Variants in UNKL observed in about 807,000 individuals in gnomAD.
UNKL encodes the protein putative E3 ubiquitin-protein ligase UNKL.
UNKL carries 60 observed loss-of-function variants against 78.0 expected under a neutral mutation model. That is an observed-to-expected ratio of 0.77 (90% CI 0.63 to 0.95). The LOEUF is 0.95. UNKL is among the 40% of genes least tolerant of loss of function. The pLI, the probability that UNKL is intolerant of heterozygous loss-of-function variation, is 0.00. For synonymous variants in UNKL, 608 were observed against 474.8 expected (o/e 1.28, Z -3.65); for missense variants, 1,159 against 1,045.7 (o/e 1.11, Z -1.49).
intron 4 of UNKL, 165 bp downstream of exon 4, chr16:1,401,403 A>AC (rs2037518123): frequency 1.1e-6 from 1 of 885,320 alleles, no homozygotes; most frequent in Non-Finnish European, 1.5e-6. Context: ...CTCGGCACCC[A>AC]CCCCCTGTTG....
chr16:1,385,578 C>T (rs942032234), intron 9 of UNKL, among the ~76,000 whole-genome samples, 193 bp from the exon 10 acceptor site: 1 of 152,240 alleles, frequency 6.6e-6, no homozygotes, highest in African/African-American at 2.4e-5. Flanking sequence ...GGGCAGCGGG[C>T]TACGGTGCAC....
chr16:1,383,820 G>A (rs772048564), intron 10 of UNKL: 3 of 442,604 alleles, frequency 6.8e-6, no homozygotes, highest in South Asian at 3.2e-5. Flanking sequence ...GGACTGCAGC[G>A]AGGGCCCCCA....
In UNKL at chr16:1,399,402, G is replaced by T; in HGVS notation, c.706C>A (p.Arg236=). The change falls in exon 5 of 15, where the codon CGG becomes AGG. Residue 236 remains arginine (R), a synonymous_variant. Transcript: ENST00000389221. This position sits in a 1 kb window ranked among gnomAD's most constrained non-coding sequence, Gnocchi z 5.8. ...TACTGGAACCGCCGGGGGTTGCGCC[G>T]CCTGTCCCGGCTATTGTGGTAGTGT... ...CPHYHNSRDR[R]RNPRRFQYRS... 2 of 1,601,004 alleles carry T rather than the reference G, an allele frequency of 1.2e-6. No homozygotes were observed. The highest frequency in any genetic ancestry group is 8.5e-7 in the Non-Finnish European group (1 of 1,173,580).
chr16:1,366,898 G>GGCTCCCAGGGGGAAAGGCA (rs1555453373), intron 14 of UNKL, among the ~76,000 whole-genome samples, 194 bp downstream of exon 14: 7 of 152,176 alleles, frequency 4.6e-5, no homozygotes, highest in East Asian at 3.8e-4. Context: ...CAGGAAAGGC[G>GGCTCCCAGGGGGAAAGGCA]GCTCCCAGGG....
chr16:1,391,207 C>A (rs1423227721), intron 8 of UNKL, among the ~76,000 whole-genome samples: 1 of 147,958 alleles, frequency 6.8e-6, no homozygotes, highest in Non-Finnish European at 1.5e-5. Flanking sequence ...TATATATGTA[C>A]CTATTCAGCA....
rs868299776 is a variant in UNKL, at chr16:1,395,429, G to A, written c.853-1214C>T. 1.8e-4 allele frequency among the ~76,000 whole-genome samples: 27 copies of A among 152,322 alleles called. No individual in the cohort carries two copies. In the Middle Eastern group the frequency reaches 0.01, roughly 58 times the overall value. Reference sequence around the variant, plus strand: ...GATCTGCCTGCCTCGGCCTCCCAAAGTGCTGGGATTACAGGCGTGAGCCAC... The same window carrying A: ...GATCTGCCTGCCTCGGCCTCCCAAAATGCTGGGATTACAGGCGTGAGCCAC... On this transcript the variant is annotated intron_variant, in intron 6 of 14. Transcript: ENST00000389221.
chr16:1,397,132 G>T, intron 6 of UNKL, 46 bp downstream of exon 6: 2 of 1,530,478 alleles, frequency 1.3e-6, no homozygotes. Context: ...CAGCTTCTCT[G>T]GGACCTTCCA....
At chr16:1,385,509 G>C (rs1345457516) in intron 9 of UNKL, 124 bp from the exon 10 acceptor site, 14 of 1,052,632 alleles carry the variant, frequency 1.3e-5, no homozygotes, top group Admixed American at 8.6e-5. Context: ...GAGGCCCAGG[G>C]AGAGCTTCCC....
At chr16:1,396,419 T>C (rs191209081) in intron 6 of UNKL, among the ~76,000 whole-genome samples, 152 of 150,894 alleles carry the variant, frequency 1.0e-3, no homozygotes, top group African/African-American at 3.4e-3. Context: ...CCCGAGTAGC[T>C]AGGACTACAG....
At chr16:1,383,757 G>A in intron 10 of UNKL, 1 of 428,018 alleles carries the variant, frequency 2.3e-6, no homozygotes, top group Non-Finnish European at 4.8e-6. Flanking sequence ...CATTGACGCG[G>A]GTCCTGATGG....
chr16:1,368,227 A>C, intron 12 of UNKL: 2 of 324,270 alleles, frequency 6.2e-6, no homozygotes. Flanking sequence ...ACTCTCAAAG[A>C]CCCCACAGAG....
In UNKL at chr16:1,366,704, A is replaced by G. The variant is rs1322023293; in HGVS notation, c.2047-309T>C. Among the ~76,000 whole-genome samples the G allele has an allele frequency of 2.6e-5, 4 of 152,218 alleles. No individual in the cohort carries two copies. In the East Asian group the frequency reaches 7.7e-4, roughly 29 times the overall value. On this transcript the variant is annotated intron_variant, in intron 14 of 14. Coordinates refer to ENST00000389221, the MANE Select transcript of UNKL (RefSeq NM_001372107.1). ...GTGCCCAGGATGTGGGCTACGCAGG[A>G]CCCTCTGTCCTATAGCAGCGAGTCC...
rs374109232 is a variant in UNKL, at chr16:1,370,362, C to A, written c.1358-5G>T. Reference sequence around the variant, plus strand: ...AGCCGGCCAGCGACCTGGGACCTGGCGGGGGCGGACCAGTCAGCGAAGGGA... The same window carrying A: ...AGCCGGCCAGCGACCTGGGACCTGGAGGGGGCGGACCAGTCAGCGAAGGGA... On this transcript the variant is annotated splice_region_variant and splice_polypyrimidine_tract_variant and intron_variant, in intron 11 of 14. Coordinates refer to ENST00000389221, the MANE Select transcript of UNKL (RefSeq NM_001372107.1). The A allele has an allele frequency of 6.5e-7, 1 of 1,531,204 alleles. No individual in the cohort carries two copies. Among genetic ancestry groups the A allele is most frequent in the Non-Finnish European group, 8.7e-7 (1 of 1,145,474 alleles). 94.9% of individuals were successfully genotyped at this position (1,531,204 alleles called of 1,614,324 possible). A position where few individuals can be genotyped will look rare whatever the true frequency, so the allele number is the denominator to read the frequency against.
intron 4 of UNKL, among the ~76,000 whole-genome samples, chr16:1,400,568 T>A (rs1020288994): frequency 3.3e-5 from 5 of 151,956 alleles, no homozygotes; most frequent in Admixed American, 2.0e-4. Context: ...GCAGGGGGGT[T>A]CCTTCTGCAG....
At position 1,397,200 on chromosome 16, in the gene UNKL, G is replaced by A. The variant is rs771326963; in HGVS notation, c.830C>T (p.Thr277Met). 3.8e-5 allele frequency: 59 copies of A among 1,547,134 alleles called. No homozygotes were observed. The highest frequency in any genetic ancestry group is 4.4e-5 in the Non-Finnish European group (51 of 1,146,950). ...GDGCQYCHSR[T>M]EQQFHPEIYK... is the part of the protein sequence containing the mutation. ...TACCTCGGGATGGAACTGCTGCTCC[G>A]TGCGGGAGTGGCAATACTGGCAGCC... The change falls in exon 6 of 15, where the codon ACG becomes ATG. Residue 277 changes from threonine (T) to methionine (M), a missense_variant. Physicochemically the swap from Thr to Met is moderately conservative, Grantham distance 81. Transcript: ENST00000389221.
intron 5 of UNKL, among the ~76,000 whole-genome samples, chr16:1,397,780 CCCG>C (rs1178195946): frequency 4.3e-5 from 5 of 117,242 alleles, no homozygotes; most frequent in African/African-American, 1.3e-4. Flanking sequence ...GCTCCCCCAC[CCCG>C]ACCCCCGTGC....
At chr16:1,391,237 G>A (rs1043751395) in intron 8 of UNKL, among the ~76,000 whole-genome samples, 1 of 76,216 alleles carries the variant, frequency 1.3e-5, no homozygotes, top group South Asian at 5.4e-4. Context: ...GTCCCTTAAA[G>A]ATACACACAC....
intron 10 of UNKL, among the ~76,000 whole-genome samples, chr16:1,372,760 G>A (rs1051701885): frequency 6.6e-5 from 10 of 152,182 alleles, no homozygotes; most frequent in Admixed American, 3.9e-4. Context: ...CCTGTGGGCC[G>A]GCGCCGCCTC....
At chr16:1,408,009 G>C (rs1368451982) in intron 2 of UNKL, among the ~76,000 whole-genome samples, 1 of 151,990 alleles carries the variant, frequency 6.6e-6, no homozygotes, top group Non-Finnish European at 1.5e-5. Context: ...GGAGGCTGAG[G>C]CACGAGGATC....
Sources: allele counts gnomAD v4.1 joint callset (sites outside exome capture counted in the v4.1 genomes callset), GRCh38; gene constraint gnomAD v4.1.1; non-coding constraint Gnocchi (gnomAD v3.1); transcripts MANE v1.5; gene names NCBI Gene and HGNC (gene_info 2026-07-23, HGNC 2026-07-21).